The following CDCA4 variants were observed in gnomAD, a reference collection of about 807,000 sequenced individuals.
CDCA4 encodes the protein cell division cycle associated 4, also known as cell division cycle-associated protein 4.
For missense variants in CDCA4, 294 were observed against 322.1 expected, an observed-to-expected ratio of 0.91 and a Z score of 0.67; for synonymous variants, 130 against 137.0, an observed-to-expected ratio of 0.95 and a Z score of 0.36.
chr14:105,017,839 A>C (rs182277266), intron 1 of CDCA4, among the ~76,000 whole-genome samples: 57 of 151,922 alleles, frequency 3.8e-4, no homozygotes, highest in East Asian at 2.4e-3. Flanking sequence ...TCAAAAAAAA[A>C]ACACACACAC....
intron 1 of CDCA4, among the ~76,000 whole-genome samples, chr14:105,020,375 G>A (rs903667901): frequency 2.2e-4 from 33 of 152,358 alleles, no homozygotes; most frequent in African/African-American, 7.7e-4. Context: ...CCAGCAAGCT[G>A]TCGGAGCCTT....
At position 105,021,080 on chromosome 14, in the gene CDCA4, G is replaced by A. The variant is rs1456603855; in HGVS notation, c.-88C>T. 1.3e-5 allele frequency: 2 copies of A among 152,352 alleles called. No individual in the cohort carries two copies. The highest frequency in any genetic ancestry group is 4.8e-5 in the African/African-American group (2 of 41,402). 9.4% of individuals were successfully genotyped at this position (152,352 alleles called of 1,614,324 possible). ...CGCCAGCTTCCCGCCGCTGAGGAAG[G>A]AGCGCCCGACGGCGCGGGGCGGGGC... On this transcript the variant is annotated 5_prime_UTR_variant, in exon 1 of 2. Coordinates refer to ENST00000336219, the MANE Select transcript of CDCA4 (RefSeq NM_017955.4).
At chr14:105,013,287 G>A (rs1476283760) in intron 1 of CDCA4, among the ~76,000 whole-genome samples, 1 of 151,918 alleles carries the variant, frequency 6.6e-6, no homozygotes, top group East Asian at 1.9e-4. Context: ...TCTGGCTTTT[G>A]ACAGATGCCA....
At chr14:105,018,391 T>C (rs185006766) in intron 1 of CDCA4, among the ~76,000 whole-genome samples, 1 of 152,260 alleles carries the variant, frequency 6.6e-6, no homozygotes, top group East Asian at 1.9e-4. Context: ...TGCTGACAAG[T>C]TTATTACTAT....
intron 1 of CDCA4, among the ~76,000 whole-genome samples, chr14:105,013,730 G>A (rs71423804): frequency 0.036 from 5,548 of 152,100 alleles, 142 homozygotes; most frequent in Middle Eastern, 0.051. Flanking sequence ...CAGAAGAAAG[G>A]GTCCCCCTGT....
chr14:105,011,573 G>T lies in CDCA4; in HGVS notation c.357C>A (p.Asp119Glu), dbSNP rs781241079. 3 of 1,613,900 alleles carry T rather than the reference G, an allele frequency of 1.9e-6. No homozygotes were observed. Among genetic ancestry groups the T allele is most frequent in the Non-Finnish European group, 1.7e-6 (2 of 1,179,988 alleles). ...CAGAAACTGGACCCTGTGTGTGGCC[G>T]TCCCCCAAGCCAGGAGCAGGATGTG... ...EGAHPAPGLG[D>E]GHTQGPVSDL... is the part of the protein sequence containing the mutation. The change falls in exon 2 of 2, where the codon GAC becomes GAA. Residue 119 changes from aspartate (D) to glutamate (E), a missense_variant. Physicochemically the swap from Asp to Glu is conservative, Grantham distance 45. Coordinates refer to ENST00000336219, the MANE Select transcript of CDCA4 (RefSeq NM_017955.4).
rs2140907405 is a variant in CDCA4, at chr14:105,010,950, G to A, written c.*254C>T. 3.8e-6 allele frequency: 2 copies of A among 529,422 alleles called. No individual in the cohort carries two copies. Among genetic ancestry groups the A allele is most frequent in the Admixed American group, 3.6e-5 (1 of 27,474 alleles). The allele number at this position is 529,422 out of a possible 1,614,324, so 32.8% of individuals were successfully genotyped here. A position where few individuals can be genotyped will look rare whatever the true frequency, so the allele number is the denominator to read the frequency against. On this transcript the variant is annotated 3_prime_UTR_variant, in exon 2 of 2. Transcript: ENST00000336219. The stretch of plus-strand genomic sequence containing the variant: ...CAGTGGGGGACACAAAGAGACACGA[G>A]GGGCCCAGGGCTGTGGGGACGTCAG...
At chr14:105,018,679 G>T (rs1886146570) in intron 1 of CDCA4, among the ~76,000 whole-genome samples, 1 of 152,042 alleles carries the variant, frequency 6.6e-6, no homozygotes, top group South Asian at 2.1e-4. Context: ...TTCTAATATG[G>T]AATGAGAAAG....
chr14:105,020,156 T>G lies in CDCA4; in HGVS notation c.-7+843A>C, dbSNP rs577443256. On this transcript the variant is annotated intron_variant, in intron 1 of 1. Transcript: ENST00000336219. ...TTCCTAGAAAAGGGGTGTAACTCAC[T>G]TTGTATTCTGGATTTCCACCCTAAT... 5.9e-5 allele frequency among the ~76,000 whole-genome samples: 9 copies of G among 152,356 alleles called. No homozygotes were observed. In the East Asian group the frequency reaches 1.2e-3, roughly 20 times the overall value.
intron 1 of CDCA4, among the ~76,000 whole-genome samples, chr14:105,018,265 C>A (rs1344051737): frequency 6.6e-6 from 1 of 151,846 alleles, no homozygotes; most frequent in Non-Finnish European, 1.5e-5. Flanking sequence ...ATCCCATGCA[C>A]AGATCCCATT....
Position 105,010,937 on chromosome 14 carries a change from CAA to C in CDCA4, c.*265_*266del, listed in dbSNP as rs769120614. 8 of 520,310 alleles carry C rather than the reference CAA, an allele frequency of 1.5e-5. No homozygotes were observed. The highest frequency in any genetic ancestry group is 5.9e-5 in the South Asian group (2 of 33,980). The allele number at this position is 520,310 out of a possible 1,614,324, so 32.2% of individuals were successfully genotyped here. A position where few individuals can be genotyped will look rare whatever the true frequency, so the allele number is the denominator to read the frequency against. On this transcript the variant is annotated 3_prime_UTR_variant, in exon 2 of 2. Coordinates refer to ENST00000336219, the MANE Select transcript of CDCA4 (RefSeq NM_017955.4). ...TCACCGTCCTCTACAGTGGGGGACA[CAA>C]AGAGACACGAGGGGCCCAGGGCTGT...
Position 105,019,720 on chromosome 14 carries a change from T to C in CDCA4, c.-7+1279A>G, listed in dbSNP as rs1886177334. Among the ~76,000 whole-genome samples the C allele has an allele frequency of 2.0e-5, 3 of 151,806 alleles. No homozygotes were observed. In the South Asian group the frequency reaches 6.2e-4, roughly 31 times the overall value. On this transcript the variant is annotated intron_variant, in intron 1 of 1. Coordinates refer to ENST00000336219, the MANE Select transcript of CDCA4 (RefSeq NM_017955.4). ...TGTTAATTTCAGGTATTTGGTTTTT[T>C]TTGTTTTTTGAGACGGAGTCTCGCT...
Position 105,010,861 on chromosome 14 carries a change from T to G in CDCA4, c.*343A>C. The G allele has an allele frequency of 7.0e-6, 2 of 286,010 alleles. No individual in the cohort carries two copies. Among genetic ancestry groups the G allele is most frequent in the Non-Finnish European group, 1.3e-5 (2 of 153,944 alleles). The allele number at this position is 286,010 out of a possible 1,614,324, so 17.7% of individuals were successfully genotyped here. A position where few individuals can be genotyped will look rare whatever the true frequency, so the allele number is the denominator to read the frequency against. ...ACTGCCCAAAACATGTAAAACTGAA[T>G]TGTAAAAATTCACCTATCTAAAGGT... is the stretch of plus-strand genomic sequence containing the variant. On this transcript the variant is annotated 3_prime_UTR_variant, in exon 2 of 2. Transcript: ENST00000336219.
intron 1 of CDCA4, among the ~76,000 whole-genome samples, chr14:105,013,913 T>G (rs4570772): frequency 0.55 from 82,919 of 151,502 alleles, 25,190 homozygotes; most frequent in Middle Eastern, 0.72. Flanking sequence ...GCTCCAAATC[T>G]GAAACAAGGA....
intron 1 of CDCA4, among the ~76,000 whole-genome samples, chr14:105,020,539 G>C (rs1025159744): frequency 6.6e-6 from 1 of 152,332 alleles, no homozygotes. Flanking sequence ...ACCCGCCCGG[G>C]GTCTGGGCCT....
rs1238549762 is a variant in CDCA4, at chr14:105,011,221, T to C, written c.709A>G (p.Ile237Val). ...GCTCCTGCTCAGGTCTCCACCAGGATCTCCACCACGTGGTCCAGCTCGCCC... is the reference window on the plus strand; with the variant it reads ...GCTCCTGCTCAGGTCTCCACCAGGACCTCCACCACGTGGTCCAGCTCGCCC... ...DLGELDHVVE[I>V]LVET Residue 237 changes from isoleucine (I) to valine (V), a missense_variant, in exon 2 of 2, where the codon ATC becomes GTC. Coordinates refer to ENST00000336219, the MANE Select transcript of CDCA4 (RefSeq NM_017955.4). 1 of 1,610,546 alleles carries C rather than the reference T, an allele frequency of 6.2e-7. No individual in the cohort carries two copies. Among genetic ancestry groups the C allele is most frequent in the Non-Finnish European group, 8.5e-7 (1 of 1,178,350 alleles).
chr14:105,014,235 G>A (rs1391643450), intron 1 of CDCA4, among the ~76,000 whole-genome samples: 4 of 152,174 alleles, frequency 2.6e-5, no homozygotes, highest in East Asian at 1.9e-4. Context: ...GCACAGCGCC[G>A]GACACGCACA....
intron 1 of CDCA4, among the ~76,000 whole-genome samples, chr14:105,020,300 T>G (rs927601576): frequency 6.6e-6 from 1 of 152,200 alleles, no homozygotes; most frequent in Non-Finnish European, 1.5e-5. Flanking sequence ...GTTATCTGGG[T>G]CCCGCCGTCC....
chr14:105,019,279 A>AGGCAGAGGCCAGCAGGG (rs1886161108), intron 1 of CDCA4, among the ~76,000 whole-genome samples: 5 of 152,236 alleles, frequency 3.3e-5, no homozygotes, highest in African/African-American at 1.2e-4. Flanking sequence ...AGGCCCACCG[A>AGGCAGAGGCCAGCAGGG]GGCAGAGGCC....
Sources: gnomAD v4.1 joint callset for allele counts (sites outside exome capture counted in the v4.1 genomes callset) on GRCh38, gnomAD v4.1.1 for gene constraint, MANE v1.5 for transcripts, NCBI Gene and HGNC (gene_info 2026-07-23, HGNC 2026-07-21) for gene names.